The following GARNL3 variants were observed in gnomAD, a reference collection of about 807,000 sequenced individuals.
GARNL3 encodes GTPase-activating Rap/Ran-GAP domain-like protein 3.
A neutral mutation model predicts 125.0 loss-of-function variants in GARNL3; 63 were observed. That is an observed-to-expected ratio of 0.50 (90% CI 0.41 to 0.62). The LOEUF is 0.62. GARNL3 is among the 20% of genes least tolerant of loss of function. The probability of loss-of-function intolerance (pLI) is 0.00; values close to 1 mark genes in which losing one functional copy is unlikely to be tolerated. For missense variants in GARNL3, 994 were observed against 1,244.0 expected (o/e 0.80, Z 3.02); for synonymous variants, 439 against 457.5 (o/e 0.96, Z 0.52).
intron 1 of GARNL3, among the ~76,000 whole-genome samples, chr9:127,231,051 T>TA (rs756942109): frequency 0.16 from 8,747 of 56,208 alleles, 620 homozygotes; most frequent in East Asian, 0.36. Flanking sequence ...TATATATATA[T>TA]TTTTTTTTTT....
upstream of GARNL3, chr9:127,263,559 C>A: frequency 2.3e-6 from 1 of 433,900 alleles, no homozygotes; most frequent in Non-Finnish European, 3.1e-6. Context: ...TCAAAATGAG[C>A]TAAGAAAATA....
At chr9:127,313,249 T>A in intron 3 of GARNL3, 192 bp from the exon 4 acceptor site, 2 of 585,506 alleles carry the variant, frequency 3.4e-6, no homozygotes, top group Non-Finnish European at 6.1e-6. Flanking sequence ...TGTTCATTCC[T>A]GAACCAGTCA....
chr9:127,260,733 G>A (rs2063572630), upstream of GARNL3, among the ~76,000 whole-genome samples: 3 of 152,248 alleles, frequency 2.0e-5, no homozygotes, highest in Admixed American at 2.0e-4. Flanking sequence ...GGCTGAATTG[G>A]GCTGTAGTTT....
intron 1 of GARNL3, among the ~76,000 whole-genome samples, chr9:127,281,190 G>A (rs1306585770): frequency 6.6e-6 from 1 of 152,168 alleles, no homozygotes; most frequent in African/African-American, 2.4e-5. Context: ...GGGTTATGAG[G>A]TAAGGTAGGT....
chr9:127,255,122 A>T (rs1214575782), intron 2 of GARNL3, among the ~76,000 whole-genome samples: 1 of 152,244 alleles, frequency 6.6e-6, no homozygotes, highest in South Asian at 2.1e-4. Context: ...GAGTGCACAC[A>T]TCATGACCTT....
chr9:127,313,743 T>C (rs2065158002), intron 4 of GARNL3, among the ~76,000 whole-genome samples, 184 bp downstream of exon 4: 1 of 151,676 alleles, frequency 6.6e-6, no homozygotes, highest in Admixed American at 6.6e-5. Flanking sequence ...GGAGACTGTT[T>C]TCTGGCCTTT....
chr9:127,225,437 G>T, intron 1 of GARNL3: 1 of 891,708 alleles, frequency 1.1e-6, no homozygotes, highest in South Asian at 5.1e-5. Flanking sequence ...GGCCGGGCGG[G>T]GTGCCGGCCA....
intron 1 of GARNL3, among the ~76,000 whole-genome samples, chr9:127,231,051 T>TATATTTA (rs756942109): frequency 5.2e-5 from 3 of 58,084 alleles, no homozygotes; most frequent in African/African-American, 3.0e-4. Context: ...TATATATATA[T>TATATTTA]TTTTTTTTTT....
chr9:127,266,887 G>A lies in GARNL3; in HGVS notation c.144+1866G>A, dbSNP rs1381654688. 6.6e-6 allele frequency among the ~76,000 whole-genome samples: 1 copy of A among 152,184 alleles called. No homozygotes were observed. The highest frequency in any genetic ancestry group is 1.5e-5 in the Non-Finnish European group (1 of 68,030). ...AAGATGGACTCTTTAAAGATGTGGGGAAATCACAGAATATCAGAATGGAAA... is the reference window on the plus strand; with the variant it reads ...AAGATGGACTCTTTAAAGATGTGGGAAAATCACAGAATATCAGAATGGAAA... On this transcript the variant is annotated intron_variant, in intron 1 of 27. Transcript: ENST00000373387. The surrounding 1 kb of genome is among the most constrained non-coding windows in gnomAD (Gnocchi z 4.0).
chr9:127,393,399 C>T lies in GARNL3; in HGVS notation c.*145C>T. The T allele has an allele frequency of 3.3e-6, 2 of 603,948 alleles. No individual in the cohort carries two copies. Among genetic ancestry groups the T allele is most frequent in the East Asian group, 2.8e-5 (1 of 36,212 alleles). 37.4% of individuals were successfully genotyped at this position (603,948 alleles called of 1,614,324 possible). On this transcript the variant is annotated 3_prime_UTR_variant, in exon 28 of 28. Coordinates refer to ENST00000373387, the MANE Select transcript of GARNL3 (RefSeq NM_032293.5). Reference sequence around the variant, plus strand: ...AAACCTTCTGCACACTCGGCCAGTTCCCTCTCCAATGTCCGGTGCCATCTT... The same window carrying T: ...AAACCTTCTGCACACTCGGCCAGTTTCCTCTCCAATGTCCGGTGCCATCTT...
At chr9:127,322,506 A>G (rs531477551) in intron 6 of GARNL3, among the ~76,000 whole-genome samples, 48 of 152,162 alleles carry the variant, frequency 3.2e-4, no homozygotes, top group African/African-American at 1.1e-3. Context: ...CTACATTTGT[A>G]TTTTGGCTTT....
At chr9:127,311,495 C>T in intron 2 of GARNL3, 141 bp from the exon 3 acceptor site, 1 of 611,852 alleles carries the variant, frequency 1.6e-6, no homozygotes, top group Non-Finnish European at 2.9e-6. Flanking sequence ...GGTGTCTTTT[C>T]TAATGAGAAC....
At chr9:127,313,628 G>A in intron 4 of GARNL3, 69 bp downstream of exon 4, 3 of 1,027,852 alleles carry the variant, frequency 2.9e-6, no homozygotes, top group Non-Finnish European at 4.6e-6. Context: ...CTGTGCTGTG[G>A]AACTGTGTGC....
At chr9:127,333,301 C>G (rs762483486) in intron 9 of GARNL3, among the ~76,000 whole-genome samples, 180 bp downstream of exon 9, 16 of 152,162 alleles carry the variant, frequency 1.1e-4, no homozygotes, top group Non-Finnish European at 1.6e-4. Flanking sequence ...TTCCATTGAG[C>G]TTCGTAAAAC....
intron 1 of GARNL3, among the ~76,000 whole-genome samples, chr9:127,267,467 T>C (rs1220122345): frequency 2.0e-5 from 3 of 152,176 alleles, no homozygotes; most frequent in African/African-American, 4.8e-5. Context: ...TATATAGTCT[T>C]CAGAGTCATA....
In GARNL3 at chr9:127,365,370, A is replaced by G; in HGVS notation, c.2161+4A>G. The G allele has an allele frequency of 6.2e-7, 1 of 1,608,078 alleles. No homozygotes were observed. Among genetic ancestry groups the G allele is most frequent in the Non-Finnish European group, 8.5e-7 (1 of 1,174,612 alleles). ...GGTTTGCTGTTGTGTTACAACTGTA[A>G]GTTAAGGATGTGCTTTTATCTTTAT... On this transcript the variant is annotated splice_donor_region_variant and intron_variant, in intron 22 of 27. Transcript: ENST00000373387.
chr9:127,333,183 C>T, intron 9 of GARNL3, 62 bp downstream of exon 9: 1 of 1,348,876 alleles, frequency 7.4e-7, no homozygotes, highest in East Asian at 2.3e-5. Flanking sequence ...TCAGCCTGAC[C>T]CGTGTCTGAA....
At chr9:127,346,809 C>A (rs1468137027) in intron 16 of GARNL3, among the ~76,000 whole-genome samples, 2 of 152,174 alleles carry the variant, frequency 1.3e-5, no homozygotes, top group Non-Finnish European at 2.9e-5. Context: ...GCCCAGAGAA[C>A]CCGGCTTTGC....
intron 1 of GARNL3, among the ~76,000 whole-genome samples, chr9:127,289,700 G>A (rs2064357103): frequency 6.6e-6 from 1 of 152,184 alleles, no homozygotes; most frequent in Non-Finnish European, 1.5e-5. Flanking sequence ...GAGCCCCTAA[G>A]TAATCAGACA....
Sources: gnomAD v4.1 joint callset for allele counts (sites outside exome capture counted in the v4.1 genomes callset) on GRCh38, gnomAD v4.1.1 for gene constraint, Gnocchi (gnomAD v3.1) non-coding constraint, MANE v1.5 for transcripts, NCBI Gene and HGNC (gene_info 2026-07-23, HGNC 2026-07-21) for gene names.